The following PHACTR3 variants were observed in gnomAD, a reference collection of about 807,000 sequenced individuals.
PHACTR3 encodes phosphatase and actin regulator 3, also known as protein phosphatase 1, regulatory subunit 123.
PHACTR3 carries 16 observed loss-of-function variants against 66.8 expected under a neutral mutation model. That is an observed-to-expected ratio of 0.24 (90% CI 0.16 to 0.36). The LOEUF (loss-of-function observed/expected upper bound fraction) is 0.36. Ranked by LOEUF, PHACTR3 falls within the 10% of genes least tolerant of loss-of-function variation. The pLI is 1.00. For synonymous variants in PHACTR3, 323 were observed against 292.1 expected (o/e 1.11, Z -1.08); for missense variants, 647 against 719.9 (o/e 0.90, Z 1.16).
In PHACTR3 at chr20:59,829,628, C is replaced by T. The variant is rs2145460202; in HGVS notation, c.1329-6877C>T. Reference sequence around the variant, plus strand: ...CTGCCTCGCTGGGGAATCCCATCTCCAGGCGGGGGCCGCCAGCTTTTCTCA... The same window carrying T: ...CTGCCTCGCTGGGGAATCCCATCTCTAGGCGGGGGCCGCCAGCTTTTCTCA... On this transcript the variant is annotated intron_variant, in intron 8 of 12. Coordinates refer to ENST00000371015, the MANE Select transcript of PHACTR3 (RefSeq NM_080672.5). This position sits in a 1 kb window ranked among gnomAD's most constrained non-coding sequence, Gnocchi z 4.2. Among the ~76,000 whole-genome samples, 1 of 152,256 alleles carries T rather than the reference C, an allele frequency of 6.6e-6. No individual in the cohort carries two copies. The highest frequency in any genetic ancestry group is 1.9e-4 in the East Asian group (1 of 5,158).
At chr20:59,746,720 C>G (rs1056283984) in intron 2 of PHACTR3, among the ~76,000 whole-genome samples, 3 of 152,214 alleles carry the variant, frequency 2.0e-5, no homozygotes, top group Non-Finnish European at 4.4e-5. Context: ...GCTGGCAGGG[C>G]CCCCTGCACA....
intron 10 of PHACTR3, 111 bp downstream of exon 10, chr20:59,840,541 G>A (rs561901209): frequency 6.8e-6 from 10 of 1,469,080 alleles, no homozygotes; most frequent in South Asian, 5.4e-5. Context: ...CATGAATAAT[G>A]TTCTCCTGGA....
chr20:59,792,346 T>C (rs1019225249), intron 7 of PHACTR3, among the ~76,000 whole-genome samples: 2 of 152,248 alleles, frequency 1.3e-5, no homozygotes, highest in Non-Finnish European at 2.9e-5. Flanking sequence ...GTGGAATGGC[T>C]GAGTCATGTG....
chr20:59,629,802 C>T (rs6027009), intron 1 of PHACTR3, among the ~76,000 whole-genome samples: 1,589 of 152,290 alleles, frequency 0.01, 30 homozygotes, highest in African/African-American at 0.035. Flanking sequence ...GAATGAGTGT[C>T]GTGCTTGTCA....
At chr20:59,832,621 A>C (rs889403321) in intron 8 of PHACTR3, among the ~76,000 whole-genome samples, 5 of 152,132 alleles carry the variant, frequency 3.3e-5, no homozygotes, top group Non-Finnish European at 7.4e-5. Flanking sequence ...CCCACACCCC[A>C]TCTCACCCAG....
At chr20:59,605,858 T>G (rs948969817) in intron 1 of PHACTR3, among the ~76,000 whole-genome samples, 2,887 of 87,628 alleles carry the variant, frequency 0.033, 37 homozygotes, top group Non-Finnish European at 0.044. Context: ...GGGGGGGAGG[T>G]GGGGGGGGGG....
Position 59,688,242 on chromosome 20 carries a change from A to G in PHACTR3, c.119-54865A>G, listed in dbSNP as rs943715463. Among the ~76,000 whole-genome samples, 5 of 152,352 alleles carry G rather than the reference A, an allele frequency of 3.3e-5. No homozygotes were observed. In the East Asian group the frequency reaches 9.6e-4, roughly 29 times the overall value. ...TTATCATGCAGCTACGAGTGAATAT[A>G]TGACAAAAATCATGAAAGTGGTACA... On this transcript the variant is annotated intron_variant, in intron 1 of 12. Coordinates refer to ENST00000371015, the MANE Select transcript of PHACTR3 (RefSeq NM_080672.5).
At position 59,841,546 on chromosome 20, in the gene PHACTR3, G is replaced by A. The variant is rs2059060579; in HGVS notation, c.1587+11G>A. 3 of 1,609,500 alleles carry A rather than the reference G, an allele frequency of 1.9e-6. No homozygotes were observed. Among genetic ancestry groups the A allele is most frequent in the Admixed American group, 1.7e-5 (1 of 59,260 alleles). On this transcript the variant is annotated intron_variant, in intron 11 of 12. Transcript: ENST00000371015. ...TCAGCAGCAGATAAGGTACCTAACT[G>A]CCTGTGCTGGTGGGGGGTGTTGGAT...
Position 59,750,325 on chromosome 20 carries a change from A to C in PHACTR3, c.358+2490A>C, listed in dbSNP as rs142626628. Among the ~76,000 whole-genome samples, 85 of 152,068 alleles carry C rather than the reference A, an allele frequency of 5.6e-4. 1 individual carries two copies. The highest frequency in any genetic ancestry group is 1.9e-3 in the African/African-American group (78 of 41,454). Reference sequence around the variant, plus strand: ...TAGGATCACCTGGAGAGATTTAATAACCCTCCACCGCTCAGGCAGCAGTTA... The same window carrying C: ...TAGGATCACCTGGAGAGATTTAATACCCCTCCACCGCTCAGGCAGCAGTTA... On this transcript the variant is annotated intron_variant, in intron 3 of 12. Transcript: ENST00000371015.
chr20:59,756,033 A>G (rs1414987423), intron 4 of PHACTR3, among the ~76,000 whole-genome samples: 1 of 152,078 alleles, frequency 6.6e-6, no homozygotes, highest in Admixed American at 6.5e-5. Flanking sequence ...TAGAGTGACT[A>G]TTATCAAAGG....
intron 1 of PHACTR3, among the ~76,000 whole-genome samples, chr20:59,646,511 C>A (rs1418155937): frequency 3.3e-5 from 5 of 152,068 alleles, no homozygotes; most frequent in African/African-American, 1.2e-4. Context: ...ATAGGAGTTA[C>A]ACTGAACGAA....
intron 7 of PHACTR3, among the ~76,000 whole-genome samples, chr20:59,804,425 A>G (rs2041504866): frequency 6.6e-6 from 1 of 152,226 alleles, no homozygotes; most frequent in South Asian, 2.1e-4. Flanking sequence ...CGTTCAGTAT[A>G]GTTTTATGTT....
At chr20:59,631,410 C>T (rs1052817831) in intron 1 of PHACTR3, among the ~76,000 whole-genome samples, 7 of 152,160 alleles carry the variant, frequency 4.6e-5, no homozygotes, top group Non-Finnish European at 1.0e-4. Flanking sequence ...ACACTTAGTG[C>T]CTGCCTTTCT....
intron 1 of PHACTR3, among the ~76,000 whole-genome samples, chr20:59,657,419 G>A (rs1346045380): frequency 2.0e-5 from 3 of 151,984 alleles, no homozygotes; most frequent in Non-Finnish European, 4.4e-5. Flanking sequence ...GTGTAAATTT[G>A]AATTACTGTT....
intron 1 of PHACTR3, among the ~76,000 whole-genome samples, chr20:59,673,547 A>G (rs2036268515): frequency 6.6e-6 from 1 of 152,236 alleles, no homozygotes; most frequent in South Asian, 2.1e-4. Context: ...GCCAGTGCTC[A>G]GGTGGTTGGG....
chr20:59,643,212 ATTC>A (rs935583222), intron 1 of PHACTR3, among the ~76,000 whole-genome samples: 13 of 152,188 alleles, frequency 8.5e-5, no homozygotes, highest in Admixed American at 4.6e-4. Context: ...CGCCGGCCTA[ATTC>A]TTCTTTTAAA....
At chr20:59,617,104 T>C (rs1276841549) in intron 1 of PHACTR3, among the ~76,000 whole-genome samples, 1 of 152,172 alleles carries the variant, frequency 6.6e-6, no homozygotes, top group Non-Finnish European at 1.5e-5. Context: ...TCCTTTTTCT[T>C]TAGGGATTTG....
intron 1 of PHACTR3, among the ~76,000 whole-genome samples, chr20:59,614,675 G>T (rs538070435): frequency 2.0e-5 from 3 of 152,242 alleles, no homozygotes; most frequent in African/African-American, 7.2e-5. Context: ...CATTGGTCTT[G>T]CAATACTCTT....
chr20:59,715,184 G>T (rs761583420), intron 1 of PHACTR3, among the ~76,000 whole-genome samples: 37 of 151,860 alleles, frequency 2.4e-4, no homozygotes, highest in Admixed American at 8.5e-4. Context: ...TTTAAATAAA[G>T]ACCTTCTTGT....
Sources: gnomAD v4.1 joint callset for allele counts (sites outside exome capture counted in the v4.1 genomes callset) on GRCh38, gnomAD v4.1.1 for gene constraint, Gnocchi (gnomAD v3.1) non-coding constraint, MANE v1.5 for transcripts, NCBI Gene and HGNC (gene_info 2026-07-23, HGNC 2026-07-21) for gene names.